The following ALK variants were observed in gnomAD, a reference collection of about 807,000 sequenced individuals.
ALK encodes the protein ALK tyrosine kinase receptor.
In ALK, 74 loss-of-function variants were observed where a neutral mutation model predicts 163.1. The ratio of observed to expected loss-of-function variants is 0.45; its 90% CI spans 0.38 to 0.55. The LOEUF (loss-of-function observed/expected upper bound fraction) is 0.55. Among genes scored for constraint, ALK ranks in the 20% least tolerant of loss-of-function variants. The pLI is 0.00. For synonymous variants in ALK, 960 were observed against 843.2 expected (o/e 1.14, Z -2.40); for missense variants, 2,063 against 2,105.3 (o/e 0.98, Z 0.39).
chr2:29,724,716 GT>G (rs1270730914), intron 1 of ALK, among the ~76,000 whole-genome samples: 2 of 152,042 alleles, frequency 1.3e-5, no homozygotes, highest in African/African-American at 2.4e-5. Flanking sequence ...GTCCTCTCTG[GT>G]TCATACATAT....
intron 23 of ALK, among the ~76,000 whole-genome samples, chr2:29,216,953 ATG>A (rs1357040432): frequency 2.2e-4 from 4 of 18,388 alleles, no homozygotes; most frequent in Non-Finnish European, 5.6e-4. Flanking sequence ...GTGGCATGTG[ATG>A]TGTGTGTGGT....
intron 4 of ALK, among the ~76,000 whole-genome samples, chr2:29,502,933 G>A (rs1672224357): frequency 6.6e-6 from 1 of 152,124 alleles, no homozygotes; most frequent in African/African-American, 2.4e-5. Flanking sequence ...GAATCCAAAA[G>A]CAAAAGATTA....
chr2:29,772,397 T>C (rs1026625350), intron 1 of ALK, among the ~76,000 whole-genome samples: 4 of 152,172 alleles, frequency 2.6e-5, no homozygotes, highest in Admixed American at 1.3e-4. Context: ...ATATAAACAC[T>C]GAATATTGAT....
At chr2:29,337,534 G>A (rs1346635129) in intron 5 of ALK, among the ~76,000 whole-genome samples, 1 of 152,160 alleles carries the variant, frequency 6.6e-6, no homozygotes, top group African/African-American at 2.4e-5. Flanking sequence ...CCACGCAGGA[G>A]CTTCCTGGGC....
chr2:29,481,901 T>C (rs1489694639), intron 4 of ALK, among the ~76,000 whole-genome samples: 1 of 152,212 alleles, frequency 6.6e-6, no homozygotes, highest in Non-Finnish European at 1.5e-5. Context: ...TCAAAGGCTC[T>C]TAAGCCTCAA....
chr2:29,887,853 C>T (rs567194873), intron 1 of ALK, among the ~76,000 whole-genome samples: 3 of 152,278 alleles, frequency 2.0e-5, no homozygotes, highest in East Asian at 3.9e-4. Flanking sequence ...TTTTCTTGTG[C>T]TTACTGGAAG....
At chr2:29,555,686 C>T (rs1281150242) in intron 3 of ALK, among the ~76,000 whole-genome samples, 4 of 152,218 alleles carry the variant, frequency 2.6e-5, no homozygotes, top group South Asian at 2.1e-4. Context: ...CTCAATTGAA[C>T]GAGCCTGAAG....
At chr2:29,466,838 G>A (rs760910760) in intron 4 of ALK, among the ~76,000 whole-genome samples, 4 of 152,212 alleles carry the variant, frequency 2.6e-5, no homozygotes, top group Non-Finnish European at 5.9e-5. Flanking sequence ...ACAGTTCTCT[G>A]GATCATTGAA....
At chr2:29,664,098 C>T (rs1047043435) in intron 3 of ALK, among the ~76,000 whole-genome samples, 1 of 152,124 alleles carries the variant, frequency 6.6e-6, no homozygotes, top group African/African-American at 2.4e-5. Context: ...AACATTTCTC[C>T]TACAAACAGC....
chr2:29,643,577 T>C (rs971542739), intron 3 of ALK, among the ~76,000 whole-genome samples: 6 of 151,960 alleles, frequency 3.9e-5, no homozygotes, highest in African/African-American at 1.5e-4. Context: ...AAAGGCTTGG[T>C]GGAGGGCAAT....
chr2:29,721,333 G>T (rs1166207737), intron 1 of ALK, among the ~76,000 whole-genome samples: 1 of 152,100 alleles, frequency 6.6e-6, no homozygotes, highest in Non-Finnish European at 1.5e-5. Context: ...CCTGGAGCAG[G>T]TAGATGTGGT....
chr2:29,590,181 T>C (rs1675006875), intron 3 of ALK, among the ~76,000 whole-genome samples: 1 of 152,158 alleles, frequency 6.6e-6, no homozygotes. Flanking sequence ...AACAAATAAA[T>C]TCCTAATCAC....
At chr2:29,877,813 C>T (rs1666761973) in intron 1 of ALK, among the ~76,000 whole-genome samples, 1 of 152,134 alleles carries the variant, frequency 6.6e-6, no homozygotes, top group African/African-American at 2.4e-5. Context: ...CCTCCTGGCT[C>T]CTAGGGGAGA....
At chr2:29,397,884 A>AATGGAAT (rs1558306915) in intron 4 of ALK, among the ~76,000 whole-genome samples, 1 of 152,198 alleles carries the variant, frequency 6.6e-6, no homozygotes, top group Non-Finnish European at 1.5e-5. Flanking sequence ...TGAGGAAACT[A>AATGGAAT]ATGGAATTTG....
chr2:29,308,312 TG>T (rs1666588637), intron 8 of ALK, among the ~76,000 whole-genome samples: 1 of 151,842 alleles, frequency 6.6e-6, no homozygotes, highest in African/African-American at 2.4e-5. Context: ...CCAATATCTT[TG>T]GGGGGTAAGA....
chr2:29,814,388 C>T lies in ALK; in HGVS notation c.668-96691G>A, dbSNP rs538284248. Reference sequence around the variant, plus strand: ...AGTCAGGCATGACCAAGGCCGGGCACGGTGGCTCACACCTGTAATCCCAGC... The same window carrying T: ...AGTCAGGCATGACCAAGGCCGGGCATGGTGGCTCACACCTGTAATCCCAGC... On this transcript the variant is annotated intron_variant, in intron 1 of 28. Transcript: ENST00000389048. 7.9e-5 allele frequency among the ~76,000 whole-genome samples: 12 copies of T among 151,588 alleles called. No homozygotes were observed. In the South Asian group the frequency reaches 1.3e-3, roughly 16 times the overall value.
At chr2:29,292,419 A>G (rs1223079574) in intron 9 of ALK, among the ~76,000 whole-genome samples, 2 of 152,224 alleles carry the variant, frequency 1.3e-5, no homozygotes, top group African/African-American at 4.8e-5. Context: ...TCTCTGCAAG[A>G]GACTGACAAT....
chr2:29,320,721 A>G (rs1353721617), intron 7 of ALK, 30 bp downstream of exon 7: 2 of 1,612,424 alleles, frequency 1.2e-6, no homozygotes, highest in African/African-American at 2.7e-5. Context: ...GAAGATGGGC[A>G]CCAGAGAGAA....
At chr2:29,255,106 T>C (rs777418920) in intron 11 of ALK, among the ~76,000 whole-genome samples, 3 of 152,196 alleles carry the variant, frequency 2.0e-5, no homozygotes, top group Non-Finnish European at 4.4e-5. Flanking sequence ...CCTCGCTGCC[T>C]TGGATGGCTC....
Sources: allele counts gnomAD v4.1 joint callset (sites outside exome capture counted in the v4.1 genomes callset), GRCh38; gene constraint gnomAD v4.1.1; transcripts MANE v1.5; gene names NCBI Gene and HGNC (gene_info 2026-07-23, HGNC 2026-07-21).